The following SETBP1 variants were observed in gnomAD, a reference collection of about 807,000 sequenced individuals.
SETBP1 encodes SET-binding protein.
SETBP1 carries 9 observed loss-of-function variants against 101.0 expected under a neutral mutation model. The observed-to-expected ratio is 0.09, with a 90% CI of 0.05 to 0.16. The LOEUF (loss-of-function observed/expected upper bound fraction) is 0.16. Ranked by LOEUF, SETBP1 falls within the 10% of genes least tolerant of loss-of-function variation. The pLI, the probability that SETBP1 is intolerant of heterozygous loss-of-function variation, is 1.00. For synonymous variants in SETBP1, 818 were observed against 788.5 expected, an observed-to-expected ratio of 1.04 and a Z score of -0.63; for missense variants, 1,858 against 2,033.8, an observed-to-expected ratio of 0.91 and a Z score of 1.66.
At chr18:44,900,029 G>A (rs2070005132) in intron 3 of SETBP1, among the ~76,000 whole-genome samples, 1 of 152,130 alleles carries the variant, frequency 6.6e-6, no homozygotes, top group African/African-American at 2.4e-5. Context: ...TAATGAATGG[G>A]TGCATCTGTG....
At chr18:45,000,343 G>A (rs1006630550) in intron 4 of SETBP1, among the ~76,000 whole-genome samples, 2 of 152,212 alleles carry the variant, frequency 1.3e-5, no homozygotes, top group Admixed American at 1.3e-4. Context: ...AAGAGCCCAG[G>A]TGTGAGAGCT....
chr18:44,933,404 C>A (rs907315368), intron 3 of SETBP1, among the ~76,000 whole-genome samples: 1 of 152,196 alleles, frequency 6.6e-6, no homozygotes, highest in Non-Finnish European at 1.5e-5. Context: ...GGGTCAGGGA[C>A]CCACTTGTGG....
chr18:44,830,556 T>A (rs1182793306), intron 2 of SETBP1, among the ~76,000 whole-genome samples: 1 of 152,206 alleles, frequency 6.6e-6, no homozygotes, highest in Non-Finnish European at 1.5e-5. Context: ...GTTTCCTGTC[T>A]CTTTTTTGCC....
chr18:44,698,248 C>G (rs1234476910), intron 1 of SETBP1, among the ~76,000 whole-genome samples: 1 of 152,196 alleles, frequency 6.6e-6, no homozygotes, highest in Middle Eastern at 3.2e-3. Flanking sequence ...CCCCCTGCCT[C>G]TAACATCAGA....
chr18:44,901,978 C>T (rs781510040), intron 3 of SETBP1, among the ~76,000 whole-genome samples: 1 of 152,132 alleles, frequency 6.6e-6, no homozygotes, highest in Non-Finnish European at 1.5e-5. Flanking sequence ...GTTATTCTGC[C>T]TATCTAGGCT....
chr18:44,801,234 A>G (rs2071601548), intron 2 of SETBP1, among the ~76,000 whole-genome samples: 1 of 152,162 alleles, frequency 6.6e-6, no homozygotes, highest in South Asian at 2.1e-4. Context: ...TACATATGTA[A>G]CAAACCTGCA....
intron 4 of SETBP1, among the ~76,000 whole-genome samples, chr18:45,004,795 A>T (rs1825408395): frequency 6.6e-6 from 1 of 152,318 alleles, no homozygotes; most frequent in East Asian, 1.9e-4. Flanking sequence ...AGAGTCTCTG[A>T]ACGGCAAAGC....
chr18:44,835,319 C>G lies in SETBP1; in HGVS notation c.487-33911C>G, dbSNP rs997524394. Among the ~76,000 whole-genome samples the G allele has an allele frequency of 3.9e-5, 6 of 152,056 alleles. No homozygotes were observed. The East Asian group carries it at 9.7e-4, about 25-fold the overall frequency. On this transcript the variant is annotated intron_variant, in intron 2 of 5. Coordinates refer to ENST00000649279, the MANE Select transcript of SETBP1 (RefSeq NM_015559.3). ...TATCAATATCATCAAACTAAGCCAG[C>G]CTTCAAAGGTTTGTGAAGGAGGCAG...
At chr18:44,736,351 A>G (rs1033041444) in intron 2 of SETBP1, among the ~76,000 whole-genome samples, 13 of 152,200 alleles carry the variant, frequency 8.5e-5, no homozygotes, top group African/African-American at 2.7e-4. Flanking sequence ...ACTGCACTCT[A>G]TACTGGGCAA....
At chr18:44,810,093 T>C (rs2144822513) in intron 2 of SETBP1, among the ~76,000 whole-genome samples, 1 of 152,334 alleles carries the variant, frequency 6.6e-6, no homozygotes, top group East Asian at 1.9e-4. Flanking sequence ...AGTGGGGAGC[T>C]CTTATCCTGG....
rs766745645 is a variant in SETBP1 at position 45,038,652 on chromosome 18, G to T, written c.4168G>T (p.Ala1390Ser). The change falls in exon 5 of 6, where the codon GCA becomes TCA. Residue 1390 changes from alanine (A) to serine (S), a missense_variant. Physicochemically the swap from Ala to Ser is moderately conservative, Grantham distance 99 (BLOSUM62 1). This residue lies in a region of SETBP1 where 417 missense variants were observed against 389.1 expected (regional missense o/e 1.07). Transcript: ENST00000649279. ...LLAASAATSD[A>S]VGSSLKKRFK... is the part of the protein sequence containing the mutation. Reference sequence around the variant, plus strand: ...TGCTGCATCTGCAGCAACGTCGGATGCAGGTGAGCACTTTTCAGATGCTTT... The same window carrying T: ...TGCTGCATCTGCAGCAACGTCGGATTCAGGTGAGCACTTTTCAGATGCTTT... 4.3e-6 allele frequency: 7 copies of T among 1,614,044 alleles called. No individual in the cohort carries two copies. Among genetic ancestry groups the T allele is most frequent in the Middle Eastern group, 1.7e-4 (1 of 5,984 alleles).
chr18:45,024,947 T>C (rs2073136132), intron 4 of SETBP1, among the ~76,000 whole-genome samples: 1 of 152,208 alleles, frequency 6.6e-6, no homozygotes, highest in African/African-American at 2.4e-5. Flanking sequence ...ATTTACATAA[T>C]GGATGAGATG....
Position 45,038,540 on chromosome 18 carries a change from A to C in SETBP1, c.4056A>C (p.Glu1352Asp). The change falls in exon 5 of 6, where the codon GAA becomes GAC. Residue 1352 changes from glutamate to aspartate, a missense_variant. Glu to Asp is a conservative substitution (Grantham distance 45, BLOSUM62 2). Around this residue, in one of 12 missense-constraint regions of SETBP1, gnomAD observed 417 missense variants for 389.1 expected, o/e 1.07. Transcript: ENST00000649279. Reference protein sequence around the residue: ...VDQTAVHSKNEGSVPTMMTRK... With the variant: ...VDQTAVHSKNDGSVPTMMTRK... The stretch of plus-strand genomic sequence containing the variant: ...AGACAGCAGTGCATAGTAAGAACGA[A>C]GGCTCAGTGCCCACCATGATGACCA... The C allele has an allele frequency of 6.2e-7, 1 of 1,614,162 alleles. No individual in the cohort carries two copies. Among genetic ancestry groups the C allele is most frequent in the East Asian group, 2.2e-5 (1 of 44,886 alleles).
chr18:45,055,213 TA>T (rs2073788760), intron 5 of SETBP1, among the ~76,000 whole-genome samples: 1 of 152,166 alleles, frequency 6.6e-6, no homozygotes. Flanking sequence ...AGTGAGTGAA[TA>T]AACTCTCGAG....
At chr18:44,791,758 TGA>T (rs984295002) in intron 2 of SETBP1, among the ~76,000 whole-genome samples, 12 of 150,900 alleles carry the variant, frequency 8.0e-5, no homozygotes, top group African/African-American at 2.9e-4. Context: ...AGAGCAAGAG[TGA>T]GAGAGCGCTT....
At chr18:44,821,080 G>A (rs186335847) in intron 2 of SETBP1, among the ~76,000 whole-genome samples, 33 of 152,348 alleles carry the variant, frequency 2.2e-4, no homozygotes, top group East Asian at 5.8e-4. Flanking sequence ...AACAGCATGG[G>A]TTAGTGGAAA....
intron 3 of SETBP1, among the ~76,000 whole-genome samples, chr18:44,908,699 G>T (rs937118475): frequency 1.3e-5 from 2 of 151,990 alleles, no homozygotes; most frequent in African/African-American, 2.4e-5. Context: ...ATGAATTTTA[G>T]GGTCAACTTG....
chr18:44,981,914 G>T (rs1186957845), intron 4 of SETBP1, among the ~76,000 whole-genome samples: 1 of 152,170 alleles, frequency 6.6e-6, no homozygotes, highest in Non-Finnish European at 1.5e-5. Flanking sequence ...AACGTTTGCA[G>T]TTGCTTCACT....
At chr18:45,054,996 T>A (rs1010600084) in intron 5 of SETBP1, among the ~76,000 whole-genome samples, 3 of 152,188 alleles carry the variant, frequency 2.0e-5, no homozygotes, top group African/African-American at 7.2e-5. Context: ...CTGGGGAATA[T>A]AAAGATGAAT....
Sources: allele counts gnomAD v4.1 joint callset (sites outside exome capture counted in the v4.1 genomes callset), GRCh38; gene constraint gnomAD v4.1.1; regional missense constraint gnomAD v4.1.1; transcripts MANE v1.5; gene names NCBI Gene and HGNC (gene_info 2026-07-23, HGNC 2026-07-21).